ATP6V0D2: variants seen among roughly 807,000 people sequenced by gnomAD.
The protein encoded by ATP6V0D2 is ATPase H+ transporting V0 subunit d2, also known as V-type proton ATPase subunit d 2.
Under a neutral mutation model 40.0 loss-of-function variants are expected in ATP6V0D2, and 40 were observed. The ratio of observed to expected loss-of-function variants is 1.00; its 90% CI spans 0.78 to 1.30. The LOEUF (loss-of-function observed/expected upper bound fraction) is 1.30, where lower values mean the gene tolerates loss of function less well. Ranked by LOEUF, ATP6V0D2 falls within the 50% of genes most tolerant of loss-of-function variation. The pLI, the probability that ATP6V0D2 is intolerant of heterozygous loss-of-function variation, is 0.00. For missense variants in ATP6V0D2, 470 were observed against 423.1 expected, an observed-to-expected ratio of 1.11 and a Z score of -0.97; for synonymous variants, 179 against 156.3, an observed-to-expected ratio of 1.15 and a Z score of -1.08.
intron 5 of ATP6V0D2, among the ~76,000 whole-genome samples, chr8:86,145,171 AG>A (rs1353682432): frequency 2.0e-4 from 12 of 60,726 alleles, no homozygotes; most frequent in African/African-American, 6.5e-4. Flanking sequence ...AGAAAGAAAG[AG>A]AGAAAGAGAG....
At chr8:86,108,216 A>G (rs1229034711) in intron 1 of ATP6V0D2, among the ~76,000 whole-genome samples, 2 of 152,014 alleles carry the variant, frequency 1.3e-5, no homozygotes, top group African/African-American at 4.8e-5. Flanking sequence ...AACACAGCTC[A>G]CTCCAGCCTC....
At chr8:86,109,050 A>T (rs1403382386) in intron 1 of ATP6V0D2, among the ~76,000 whole-genome samples, 1 of 152,200 alleles carries the variant, frequency 6.6e-6, no homozygotes, top group African/African-American at 2.4e-5. Flanking sequence ...ATAAAAAGGA[A>T]AAAACACCAT....
Position 86,121,613 on chromosome 8 carries a change from G to T in ATP6V0D2, c.302+7733G>T, listed in dbSNP as rs1390028647. ...AGGAGGAGGAGGAGGAGGAGGAGGA[G>T]GAGGAGAAGGAGAAAGAAGGAAAAG... On this transcript the variant is annotated intron_variant, in intron 2 of 7. Coordinates refer to ENST00000285393, the MANE Select transcript of ATP6V0D2 (RefSeq NM_152565.1). Among the ~76,000 whole-genome samples, 7 of 151,284 alleles carry T rather than the reference G, an allele frequency of 4.6e-5. No individual in the cohort carries two copies. The East Asian group carries it at 5.9e-4, about 13-fold the overall frequency.
chr8:86,125,274 C>G (rs1818724778), intron 2 of ATP6V0D2, among the ~76,000 whole-genome samples: 1 of 152,130 alleles, frequency 6.6e-6, no homozygotes, highest in African/African-American at 2.4e-5. Context: ...ATCAATCAAC[C>G]ACCAGGAGGC....
intron 2 of ATP6V0D2, among the ~76,000 whole-genome samples, chr8:86,115,389 G>T (rs1386192848): frequency 5.9e-5 from 3 of 50,918 alleles, no homozygotes; most frequent in Admixed American, 5.6e-4. Flanking sequence ...TTTTTTTTGA[G>T]ACTGAGTCTC....
At chr8:86,128,996 T>C (rs924611208) in intron 2 of ATP6V0D2, among the ~76,000 whole-genome samples, 2 of 152,246 alleles carry the variant, frequency 1.3e-5, no homozygotes, top group Non-Finnish European at 2.9e-5. Flanking sequence ...ACTTTTCAAA[T>C]GTTTTACATT....
At chr8:86,132,844 G>A (rs2721262) in intron 2 of ATP6V0D2, among the ~76,000 whole-genome samples, 126,385 of 152,084 alleles carry the variant, frequency 0.83, 52,620 homozygotes, top group Middle Eastern at 0.88. Context: ...TAGATACCCA[G>A]TAGTGGCATT....
intron 2 of ATP6V0D2, among the ~76,000 whole-genome samples, chr8:86,127,662 G>A (rs185156306): frequency 3.0e-4 from 46 of 152,176 alleles, no homozygotes; most frequent in African/African-American, 1.1e-3. Flanking sequence ...GAGCTCAAGC[G>A]ATCCGCCTGC....
At chr8:86,120,780 A>C (rs937297537) in intron 2 of ATP6V0D2, among the ~76,000 whole-genome samples, 2 of 152,320 alleles carry the variant, frequency 1.3e-5, no homozygotes, top group East Asian at 1.9e-4. Context: ...GCATTTTCCA[A>C]AGTTACAAAG....
intron 1 of ATP6V0D2, among the ~76,000 whole-genome samples, chr8:86,110,612 T>A (rs963767976): frequency 1.3e-5 from 2 of 152,156 alleles, no homozygotes; most frequent in Non-Finnish European, 2.9e-5. Context: ...ACTAGAGTTG[T>A]CCTTTTCATT....
intron 5 of ATP6V0D2, among the ~76,000 whole-genome samples, chr8:86,147,838 G>A (rs1462059463): frequency 1.3e-5 from 2 of 152,180 alleles, no homozygotes; most frequent in Non-Finnish European, 2.9e-5. Flanking sequence ...GGTAGGCTAA[G>A]GGAAGAAGTG....
chr8:86,115,222 T>C (rs1818577361), intron 2 of ATP6V0D2, among the ~76,000 whole-genome samples: 2 of 152,096 alleles, frequency 1.3e-5, no homozygotes, highest in South Asian at 4.2e-4. Flanking sequence ...CAGAGCAGTT[T>C]CAGCCTCTGT....
At chr8:86,152,334 T>G (rs528653205) in intron 7 of ATP6V0D2, among the ~76,000 whole-genome samples, 7 of 152,308 alleles carry the variant, frequency 4.6e-5, no homozygotes, top group Admixed American at 4.6e-4. Context: ...TGATGGGCAT[T>G]TGGGTTGGTT....
chr8:86,151,652 C>T (rs1819154875), intron 7 of ATP6V0D2, 112 bp downstream of exon 7: 3 of 742,620 alleles, frequency 4.0e-6, no homozygotes, highest in Non-Finnish European at 6.7e-6. Flanking sequence ...TGATTAGGCA[C>T]ATTCATAGCT....
chr8:86,133,344 G>A (rs1277143591), intron 2 of ATP6V0D2, among the ~76,000 whole-genome samples: 6 of 89,178 alleles, frequency 6.7e-5, no homozygotes, highest in Non-Finnish European at 1.1e-4. Context: ...TTTTTTTTGA[G>A]ATGGAGTCTC....
chr8:86,117,419 C>T (rs999326805), intron 2 of ATP6V0D2, among the ~76,000 whole-genome samples: 3 of 152,112 alleles, frequency 2.0e-5, no homozygotes, highest in African/African-American at 4.8e-5. Flanking sequence ...AAATTGTTTT[C>T]CCAAATAGCT....
chr8:86,148,298 C>T (rs74664425), intron 5 of ATP6V0D2, among the ~76,000 whole-genome samples: 48 of 152,292 alleles, frequency 3.2e-4, no homozygotes, highest in African/African-American at 1.1e-3. Context: ...TAGCCAGAGA[C>T]AGCTGCCCTT....
chr8:86,101,388 A>T (rs1818395344), intron 1 of ATP6V0D2, among the ~76,000 whole-genome samples: 2 of 149,104 alleles, frequency 1.3e-5, no homozygotes. Context: ...TGAGCCCAAA[A>T]GGTTGAAGCT....
At chr8:86,106,491 C>A (rs1237100961) in intron 1 of ATP6V0D2, among the ~76,000 whole-genome samples, 1 of 152,150 alleles carries the variant, frequency 6.6e-6, no homozygotes, top group South Asian at 2.1e-4. Flanking sequence ...CTGGGAGGAT[C>A]CAAAATATCT....
Sources: allele counts gnomAD v4.1 joint callset (sites outside exome capture counted in the v4.1 genomes callset), GRCh38; gene constraint gnomAD v4.1.1; transcripts MANE v1.5; gene names NCBI Gene and HGNC (gene_info 2026-07-23, HGNC 2026-07-21).